Variants in PTPRF observed in about 807,000 individuals in gnomAD.
PTPRF encodes the protein receptor-type tyrosine-protein phosphatase F.
In PTPRF, 59 loss-of-function variants were observed where a neutral mutation model predicts 201.8. The observed-to-expected ratio is 0.29, with a 90% confidence interval of 0.24 to 0.36. The LOEUF is 0.36. Ranked by LOEUF, PTPRF falls within the 10% of genes least tolerant of loss-of-function variation. The pLI is 1.00. For synonymous variants in PTPRF, 1,088 were observed against 1,089.7 expected (o/e 1.00, Z 0.03); for missense variants, 2,132 against 2,690.5 (o/e 0.79, Z 4.59).
intron 7 of PTPRF, among the ~76,000 whole-genome samples, chr1:43,584,747 C>T (rs977090565): frequency 9.2e-5 from 14 of 152,196 alleles, no homozygotes; most frequent in African/African-American, 3.1e-4. Context: ...TACTGCTCTG[C>T]GGCAGCCACA....
rs1016413994 is a variant in PTPRF, at chr1:43,603,232, A to G, written c.2341-184A>G. Among the ~76,000 whole-genome samples the G allele has an allele frequency of 1.3e-5, 2 of 152,128 alleles. No homozygotes were observed. The highest frequency in any genetic ancestry group is 1.5e-5 in the Non-Finnish European group (1 of 67,992). ...CTCCTGGGATGGGCGGGGTCCTCCC[A>G]GGCCTGCATCCTACCTGCCTGCTTC... is the stretch of plus-strand genomic sequence containing the variant. On this transcript the variant is annotated intron_variant, in intron 14 of 33. Coordinates refer to ENST00000359947, the MANE Select transcript of PTPRF (RefSeq NM_002840.5). The surrounding 1 kb of genome is among the most constrained non-coding windows in gnomAD (Gnocchi z 5.8).
At chr1:43,612,725 C>G in intron 22 of PTPRF, 2 of 1,349,434 alleles carry the variant, frequency 1.5e-6, no homozygotes, top group Non-Finnish European at 2.0e-6. Context: ...CTTTTCTTGC[C>G]CCGTTGTTTT....
At chr1:43,593,417 G>A (rs1296214439) in intron 11 of PTPRF, among the ~76,000 whole-genome samples, 3 of 151,756 alleles carry the variant, frequency 2.0e-5, no homozygotes, top group Non-Finnish European at 2.9e-5. Context: ...ACAGTAGACT[G>A]TGTGTGTGTG....
chr1:43,618,786 C>A, intron 26 of PTPRF, 37 bp downstream of exon 26: 1 of 1,582,928 alleles, frequency 6.3e-7, no homozygotes, highest in Non-Finnish European at 8.6e-7. Flanking sequence ...CTTACCCAGA[C>A]ACTGTAAGGA....
chr1:43,553,753 C>T lies in PTPRF; in HGVS notation c.238-47C>T. ...GGGAGGACAACTGACCCTGAGCAGG[C>T]TCCTGTGTCCTGAGTAGGCTGTGAC... On this transcript the variant is annotated intron_variant, in intron 4 of 33. Transcript: ENST00000359947. The surrounding 1 kb of genome is among the most constrained non-coding windows in gnomAD (Gnocchi z 4.1). 6.2e-7 allele frequency: 1 copy of T among 1,612,580 alleles called. No homozygotes were observed. Among genetic ancestry groups the T allele is most frequent in the Admixed American group, 1.7e-5 (1 of 59,966 alleles).
upstream of PTPRF, among the ~76,000 whole-genome samples, chr1:43,524,978 G>A (rs1218197612): frequency 6.6e-6 from 1 of 152,226 alleles, no homozygotes; most frequent in Non-Finnish European, 1.5e-5. Flanking sequence ...TGTCTGACCT[G>A]TGGAGTCATG....
At chr1:43,621,809 C>A in intron 33 of PTPRF, 126 bp from the exon 34 acceptor site, 1 of 874,360 alleles carries the variant, frequency 1.1e-6, no homozygotes, top group African/African-American at 1.6e-5. Flanking sequence ...CCTGATGTAG[C>A]TGCCAGGGTC....
Position 43,554,057 on chromosome 1 carries a change from C to A in PTPRF, c.379+116C>A. 7.1e-7 allele frequency: 1 copy of A among 1,402,348 alleles called. No individual in the cohort carries two copies. Among genetic ancestry groups the A allele is most frequent in the East Asian group, 2.5e-5 (1 of 40,704 alleles). The allele number at this position is 1,402,348 out of a possible 1,614,324, so 86.9% of individuals were successfully genotyped here. A position where few individuals can be genotyped will look rare whatever the true frequency, so the allele number is the denominator to read the frequency against. ...ATTTGGCAGAAAGGAGGACTGGCCACCTCGGGGTCAGTGAAAGTCAGTGGT... is the reference window on the plus strand; with the variant it reads ...ATTTGGCAGAAAGGAGGACTGGCCAACTCGGGGTCAGTGAAAGTCAGTGGT... On this transcript the variant is annotated intron_variant, in intron 5 of 33. Coordinates refer to ENST00000359947, the MANE Select transcript of PTPRF (RefSeq NM_002840.5). This position sits in a 1 kb window ranked among gnomAD's most constrained non-coding sequence, Gnocchi z 4.1.
chr1:43,619,689 A>G lies in PTPRF; in HGVS notation c.4942A>G (p.Ser1648Gly). The G allele has an allele frequency of 6.2e-7, 1 of 1,614,078 alleles. No individual in the cohort carries two copies. The highest frequency in any genetic ancestry group is 8.5e-7 in the Non-Finnish European group (1 of 1,179,954). The part of the protein sequence containing the change: ...AMELEFKLLA[S>G]SKAHTSRFIS... ...CCCTGCCTCTCAATAGTTGCTGGCC[A>G]GCTCCAAGGCCCACACGTCCCGCTT... is the stretch of plus-strand genomic sequence containing the variant. The change falls in exon 29 of 34, where the codon AGC (serine) becomes GGC (glycine). Residue 1648 changes from serine (S) to glycine (G), a missense_variant. By Grantham distance (56) the Ser-to-Gly change is moderately conservative. This residue lies in a region of PTPRF where 519 missense variants were observed against 659.5 expected (regional missense o/e 0.79). Transcript: ENST00000359947.
At chr1:43,563,592 C>T (rs1170445172) in intron 5 of PTPRF, among the ~76,000 whole-genome samples, 1 of 152,074 alleles carries the variant, frequency 6.6e-6, no homozygotes, top group Non-Finnish European at 1.5e-5. Context: ...TCAAGAAATG[C>T]CAAGAGAAAA....
rs192146325 is a variant in PTPRF at position 43,596,294 on chromosome 1, G to T, written c.1814-1454G>T. ...GATTCTGGAGGGAGGGCCATCCCCA[G>T]TACTGGCAGCCTCCAGGGCATGACC... On this transcript the variant is annotated intron_variant, in intron 11 of 33. Coordinates refer to ENST00000359947, the MANE Select transcript of PTPRF (RefSeq NM_002840.5). Among the ~76,000 whole-genome samples, 30 of 152,310 alleles carry T rather than the reference G, an allele frequency of 2.0e-4. 1 individual carries two copies. Among genetic ancestry groups the T allele is most frequent in the Admixed American group, 1.5e-3 (23 of 15,304 alleles).
chr1:43,553,688 C>G lies in PTPRF; in HGVS notation c.237+51C>G, dbSNP rs1024950912. ...GCAGGGCTCAGGGTCTGCCCACACT[C>G]TCTCCTTTCAGTGTCCCTCCTCATG... On this transcript the variant is annotated intron_variant, in intron 4 of 33. Coordinates refer to ENST00000359947, the MANE Select transcript of PTPRF (RefSeq NM_002840.5). The surrounding 1 kb of genome is among the most constrained non-coding windows in gnomAD (Gnocchi z 4.1). The G allele has an allele frequency of 3.1e-6, 5 of 1,610,840 alleles. No homozygotes were observed. The highest frequency in any genetic ancestry group is 1.3e-5 in the African/African-American group (1 of 75,020).
chr1:43,598,132 C>A, intron 12 of PTPRF, 79 bp downstream of exon 12: 1 of 1,351,576 alleles, frequency 7.4e-7, no homozygotes, highest in South Asian at 1.6e-5. Flanking sequence ...GCCTTCCTTT[C>A]CTGAACACAG....
chr1:43,552,314 A>T (rs1489475546), intron 3 of PTPRF, among the ~76,000 whole-genome samples: 1 of 152,080 alleles, frequency 6.6e-6, no homozygotes, highest in Admixed American at 6.5e-5. Flanking sequence ...ACTGTTTTGT[A>T]CCAGGTGTTT....
At chr1:43,597,589 G>A (rs933012330) in intron 11 of PTPRF, among the ~76,000 whole-genome samples, 159 bp from the exon 12 acceptor site, 1 of 152,132 alleles carries the variant, frequency 6.6e-6, no homozygotes, top group Non-Finnish European at 1.5e-5. Flanking sequence ...TGTCCTTGGC[G>A]AGAGTGGCAG....
chr1:43,582,021 C>A (rs1163683079), intron 7 of PTPRF, among the ~76,000 whole-genome samples: 1 of 152,200 alleles, frequency 6.6e-6, no homozygotes, highest in Non-Finnish European at 1.5e-5. Context: ...GATGGCTTCC[C>A]ACTGCCATTG....
At chr1:43,545,475 A>G (rs1644604601) in intron 3 of PTPRF, among the ~76,000 whole-genome samples, 1 of 152,066 alleles carries the variant, frequency 6.6e-6, no homozygotes, top group African/African-American at 2.4e-5. Context: ...TGCTGTGTGC[A>G]CTGTTGCAGA....
At chr1:43,602,299 C>T (rs1275877442) in intron 14 of PTPRF, among the ~76,000 whole-genome samples, 5 of 152,344 alleles carry the variant, frequency 3.3e-5, no homozygotes, top group Middle Eastern at 3.4e-3. Context: ...TCTTGCCTGT[C>T]GAGCAGCAAT....
rs556509995 is a variant in PTPRF at position 43,616,799 on chromosome 1, GT to G, written c.4072-644del. Among the ~76,000 whole-genome samples the G allele has an allele frequency of 3.7e-4, 56 of 152,234 alleles. 1 individual carries two copies. In the South Asian group the frequency reaches 0.011, roughly 30 times the overall value. On this transcript the variant is annotated intron_variant, in intron 23 of 33. Transcript: ENST00000359947. ...GGAAGAGCTCTGTGCTGCTGCTGAG[GT>G]TATGGGCAGCTCCAGCATGTGGTGT...
Sources: allele counts gnomAD v4.1 joint callset (sites outside exome capture counted in the v4.1 genomes callset), GRCh38; gene constraint gnomAD v4.1.1; regional missense constraint gnomAD v4.1.1; non-coding constraint Gnocchi (gnomAD v3.1); transcripts MANE v1.5; gene names NCBI Gene and HGNC (gene_info 2026-07-23, HGNC 2026-07-21).